Variants in TAF2 observed in about 807,000 individuals in gnomAD.
TAF2 encodes TATA-box binding protein associated factor 2, also known as transcription initiation factor TFIID subunit 2.
TAF2 carries 61 observed loss-of-function variants against 138.5 expected under a neutral mutation model. The ratio of observed to expected loss-of-function variants is 0.44; its 90% CI spans 0.36 to 0.54. TAF2 has a LOEUF of 0.54. TAF2 is among the 20% of genes least tolerant of loss of function. The pLI is 0.00. For synonymous variants in TAF2, 475 were observed against 469.9 expected (o/e 1.01, Z -0.14); for missense variants, 1,090 against 1,427.9 (o/e 0.76, Z 3.81).
rs765162634 is a variant in TAF2, at chr8:119,796,948, C to T, written c.1091+42G>A. The stretch of plus-strand genomic sequence containing the variant: ...TGCAGAGAAAGAAAAGAAAAATAAA[C>T]TTGATTCTCTTCTCAGTAGTATGAA... On this transcript the variant is annotated intron_variant, in intron 8 of 25. Coordinates refer to ENST00000378164, the MANE Select transcript of TAF2 (RefSeq NM_003184.4). 4 of 1,388,164 alleles carry T rather than the reference C, an allele frequency of 2.9e-6. No homozygotes were observed. In the South Asian group the frequency reaches 3.5e-5, roughly 12 times the overall value. 86.0% of individuals were successfully genotyped at this position (1,388,164 alleles called of 1,614,324 possible).
chr8:119,806,445 C>A, intron 3 of TAF2, 44 bp from the exon 4 acceptor site: 141 of 1,235,158 alleles, frequency 1.1e-4, no homozygotes, highest in Non-Finnish European at 1.5e-4. Context: ...AGCCATGTAT[C>A]TTACCAAGCA....
intron 3 of TAF2, among the ~76,000 whole-genome samples, chr8:119,812,504 C>A (rs559502456): frequency 3.9e-5 from 6 of 152,052 alleles, no homozygotes; most frequent in African/African-American, 7.2e-5. Flanking sequence ...TCTCCAATAT[C>A]CAGACTTCTA....
chr8:119,746,687 A>G lies in TAF2; in HGVS notation c.3108+18T>C. 2.5e-6 allele frequency: 4 copies of G among 1,610,060 alleles called. No homozygotes were observed. In the South Asian group the frequency reaches 4.4e-5, roughly 18 times the overall value. ...TATATAATGAAACTACGTCTTCTGT[A>G]ATACATGTGATTCTTACAGGGTTCT... On this transcript the variant is annotated intron_variant, in intron 23 of 25. Coordinates refer to ENST00000378164, the MANE Select transcript of TAF2 (RefSeq NM_003184.4).
intron 17 of TAF2, among the ~76,000 whole-genome samples, chr8:119,778,599 TC>T (rs1396299944): frequency 6.6e-6 from 1 of 152,206 alleles, no homozygotes; most frequent in Non-Finnish European, 1.5e-5. Context: ...GAGCCTCATT[TC>T]CTCACAATCA....
intron 5 of TAF2, among the ~76,000 whole-genome samples, chr8:119,802,689 G>C (rs915113066): frequency 1.6e-4 from 24 of 152,162 alleles, no homozygotes; most frequent in African/African-American, 5.8e-4. Context: ...GAGGCAGGTG[G>C]ATTACCTGAG....
intron 2 of TAF2, among the ~76,000 whole-genome samples, chr8:119,822,580 T>TA (rs1363653220): frequency 6.6e-6 from 1 of 152,186 alleles, no homozygotes. Context: ...TGAATATAGA[T>TA]ATGTCTGATC....
At chr8:119,794,101 A>G (rs768394189) in intron 9 of TAF2, among the ~76,000 whole-genome samples, 39 of 152,066 alleles carry the variant, frequency 2.6e-4, no homozygotes, top group Non-Finnish European at 4.6e-4. Context: ...ATTAAAAGAA[A>G]AAAAGCATAA....
rs1230281439 is a variant in TAF2, at chr8:119,772,437, G to A, written c.2364+5582C>T. 2.0e-5 allele frequency among the ~76,000 whole-genome samples: 3 copies of A among 152,010 alleles called. No homozygotes were observed. The East Asian group carries it at 5.8e-4, about 29-fold the overall frequency. ...CATAAAGAAGGAAATAATAGAAACTGGGAATTCCAAAAGAGCGGAGGCTAG... is the reference window on the plus strand; with the variant it reads ...CATAAAGAAGGAAATAATAGAAACTAGGAATTCCAAAAGAGCGGAGGCTAG... On this transcript the variant is annotated intron_variant, in intron 18 of 25. Coordinates refer to ENST00000378164, the MANE Select transcript of TAF2 (RefSeq NM_003184.4).
intron 18 of TAF2, among the ~76,000 whole-genome samples, chr8:119,777,791 A>G (rs948113079): frequency 6.6e-6 from 1 of 152,228 alleles, no homozygotes; most frequent in Non-Finnish European, 1.5e-5. Flanking sequence ...TTTGAAGAAC[A>G]TTTAAAAACT....
Position 119,785,271 on chromosome 8 carries a change from A to G in TAF2, c.1794-5T>C. The G allele has an allele frequency of 6.2e-7, 1 of 1,605,104 alleles. No individual in the cohort carries two copies. The highest frequency in any genetic ancestry group is 8.5e-7 in the Non-Finnish European group (1 of 1,172,624). On this transcript the variant is annotated splice_region_variant and splice_polypyrimidine_tract_variant and intron_variant, in intron 14 of 25. Coordinates refer to ENST00000378164, the MANE Select transcript of TAF2 (RefSeq NM_003184.4). ...GGGATTTTTTTCTTTTTATTCCTAC[A>G]TTTAAGAAAAAGTAGGTTGGAAAAT...
chr8:119,818,820 C>T (rs1825650719), intron 3 of TAF2, among the ~76,000 whole-genome samples: 1 of 150,564 alleles, frequency 6.6e-6, no homozygotes, highest in South Asian at 2.1e-4. Flanking sequence ...CTGATAACAG[C>T]AATATATGTT....
chr8:119,758,055 C>G lies in TAF2; in HGVS notation c.2768+18G>C. 1 of 1,604,284 alleles carries G rather than the reference C, an allele frequency of 6.2e-7. No homozygotes were observed. The highest frequency in any genetic ancestry group is 8.5e-7 in the Non-Finnish European group (1 of 1,171,478). ...TAGGACTTACAAAATATCATAGCAT[C>G]ATAGCACATAAACTAACCTTACATA... On this transcript the variant is annotated intron_variant, in intron 21 of 25. Coordinates refer to ENST00000378164, the MANE Select transcript of TAF2 (RefSeq NM_003184.4).
chr8:119,779,593 T>A lies in TAF2; in HGVS notation c.2253+1460A>T, dbSNP rs551886777. 9.8e-5 allele frequency among the ~76,000 whole-genome samples: 15 copies of A among 152,300 alleles called. No individual in the cohort carries two copies. The South Asian group carries it at 3.1e-3, about 32-fold the overall frequency. On this transcript the variant is annotated intron_variant, in intron 17 of 25. Transcript: ENST00000378164. ...AACAGGATGCCACAGACTTCTTTGA[T>A]CACACCATTATTACCTTTCCCAAAA...
chr8:119,761,318 T>C, intron 19 of TAF2, among the ~76,000 whole-genome samples: 1 of 152,200 alleles, frequency 6.6e-6, no homozygotes, highest in East Asian at 1.9e-4. Context: ...GGCTATACCA[T>C]AAAGCCTAGG....
intron 17 of TAF2, 54 bp downstream of exon 17, chr8:119,780,999 C>T: frequency 6.5e-7 from 1 of 1,548,956 alleles, no homozygotes; most frequent in South Asian, 1.2e-5. Flanking sequence ...GAACAGTCTC[C>T]AACTTAAACT....
chr8:119,743,857 G>A (rs972059876), intron 24 of TAF2, among the ~76,000 whole-genome samples: 1 of 152,058 alleles, frequency 6.6e-6, no homozygotes, highest in Non-Finnish European at 1.5e-5. Flanking sequence ...ATTTTCAAAA[G>A]AAAACATGCT....
rs770019460 is a variant in TAF2, at chr8:119,791,463, A to G, written c.1278-4T>C. 9 of 1,612,226 alleles carry G rather than the reference A, an allele frequency of 5.6e-6. No individual in the cohort carries two copies. The African/African-American group carries it at 1.2e-4, about 22-fold the overall frequency. On this transcript the variant is annotated splice_region_variant and splice_polypyrimidine_tract_variant and intron_variant, in intron 10 of 25. Coordinates refer to ENST00000378164, the MANE Select transcript of TAF2 (RefSeq NM_003184.4). ...AAAGTGTAGATGGGAAGCCGGACTA[A>G]AAAAAATAAACACATTTACCTAATA... is the stretch of plus-strand genomic sequence containing the variant.
intron 25 of TAF2, among the ~76,000 whole-genome samples, chr8:119,738,950 T>A (rs1819411212): frequency 6.6e-6 from 1 of 151,946 alleles, no homozygotes; most frequent in African/African-American, 2.4e-5. Context: ...AATCAAAGTC[T>A]GTTTTTTGTA....
At chr8:119,768,812 A>G (rs1483885538) in intron 18 of TAF2, among the ~76,000 whole-genome samples, 1 of 152,178 alleles carries the variant, frequency 6.6e-6, no homozygotes. Flanking sequence ...GGAAAGCCAC[A>G]GAGCTGTCTG....
Sources: allele counts gnomAD v4.1 joint callset (sites outside exome capture counted in the v4.1 genomes callset), GRCh38; gene constraint gnomAD v4.1.1; transcripts MANE v1.5; gene names NCBI Gene and HGNC (gene_info 2026-07-23, HGNC 2026-07-21).